Variants in DOP1B observed in about 807,000 individuals in gnomAD.
DOP1B encodes the protein protein DOP1B.
DOP1B carries 174 observed loss-of-function variants against 233.5 expected under a neutral mutation model. The observed-to-expected ratio is 0.75, with a 90% CI of 0.66 to 0.85. The LOEUF is 0.85. Ranked by LOEUF, DOP1B falls within the 40% of genes least tolerant of loss-of-function variation. DOP1B has a pLI of 0.00. For missense variants in DOP1B, 2,652 were observed against 2,846.6 expected, an observed-to-expected ratio of 0.93 and a Z score of 1.56; for synonymous variants, 1,190 against 1,185.6, an observed-to-expected ratio of 1.00 and a Z score of -0.08.
intron 2 of DOP1B, among the ~76,000 whole-genome samples, chr21:36,197,061 T>C (rs999642125): frequency 2.0e-5 from 3 of 151,792 alleles, no homozygotes; most frequent in Non-Finnish European, 4.4e-5. Flanking sequence ...GCCTCCTGAG[T>C]AGCTGGGATT....
intron 2 of DOP1B, among the ~76,000 whole-genome samples, chr21:36,176,101 T>TGCGTATGTGTGTGTGTGTGTGC (rs756370304): frequency 1.5e-3 from 223 of 148,002 alleles, no homozygotes; most frequent in East Asian, 5.8e-3. Flanking sequence ...TGTGTGCGTG[T>TGCGTATGTGTGTGTGTGTGTGC]GTGTGTGTGT....
intron 27 of DOP1B, among the ~76,000 whole-genome samples, chr21:36,270,912 C>A (rs76393094): frequency 1.9e-3 from 239 of 127,640 alleles, no homozygotes; most frequent in Admixed American, 2.0e-3. Flanking sequence ...GACTACACCT[C>A]AAAAAAAAAA....
chr21:36,241,410 AC>A (rs763845687), intron 18 of DOP1B, among the ~76,000 whole-genome samples: 47 of 144,964 alleles, frequency 3.2e-4, no homozygotes, highest in Non-Finnish European at 6.6e-4. Flanking sequence ...AGCTCCAGAC[AC>A]CCCCCTCTCC....
At chr21:36,236,862 G>T (rs2066833709) in intron 15 of DOP1B, among the ~76,000 whole-genome samples, 1 of 139,750 alleles carries the variant, frequency 7.2e-6, no homozygotes, top group Non-Finnish European at 1.5e-5. Flanking sequence ...TCAGCTCACT[G>T]CAACCTCCGC....
intron 2 of DOP1B, among the ~76,000 whole-genome samples, chr21:36,186,898 G>A (rs996052141): frequency 1.4e-4 from 22 of 152,070 alleles, no homozygotes; most frequent in Non-Finnish European, 2.6e-4. Flanking sequence ...GCCCGGACTC[G>A]GACCCAGGCC....
chr21:36,249,123 T>G (rs2067004224), intron 21 of DOP1B, among the ~76,000 whole-genome samples: 1 of 150,824 alleles, frequency 6.6e-6, no homozygotes, highest in Admixed American at 6.6e-5. Context: ...ATAAAAATAA[T>G]TAAAATAAAT....
In DOP1B at chr21:36,248,457, C is replaced by A; in HGVS notation, c.4887C>A (p.Asn1629Lys). Residue 1629 changes from asparagine (N) to lysine (K), a missense_variant, in exon 21 of 37, where the codon AAC becomes AAA. Physicochemically the swap from Asn to Lys is moderately conservative, Grantham distance 94. Coordinates refer to ENST00000691173, the MANE Select transcript of DOP1B (RefSeq NM_001320714.2). ...AILEELPRTV[N>K]TMALLWNVLR... is the part of the protein sequence containing the mutation. ...TGGAAGAGCTGCCTCGAACTGTTAA[C>A]ACCATGGCCCTTCTCTGGAATGTTC... 6.2e-7 allele frequency: 1 copy of A among 1,614,136 alleles called. No homozygotes were observed. The highest frequency in any genetic ancestry group is 8.5e-7 in the Non-Finnish European group (1 of 1,180,000).
At chr21:36,234,893 G>A (rs1016905396) in intron 15 of DOP1B, among the ~76,000 whole-genome samples, 4 of 152,066 alleles carry the variant, frequency 2.6e-5, no homozygotes, top group African/African-American at 9.7e-5. Context: ...GGTACAATTT[G>A]ATATTCTGAC....
At chr21:36,228,983 T>G (rs2066726664) in intron 13 of DOP1B, among the ~76,000 whole-genome samples, 1 of 151,970 alleles carries the variant, frequency 6.6e-6, no homozygotes, top group Non-Finnish European at 1.5e-5. Context: ...AAAAAAAATT[T>G]TTAAGTTTAG....
chr21:36,210,748 G>A (rs1170843489), intron 5 of DOP1B, among the ~76,000 whole-genome samples: 2 of 152,190 alleles, frequency 1.3e-5, no homozygotes, highest in African/African-American at 4.8e-5. Flanking sequence ...GGTGGCAGAG[G>A]TTGCAGTGAG....
chr21:36,222,677 T>A (rs898707152), intron 10 of DOP1B, among the ~76,000 whole-genome samples: 6 of 152,174 alleles, frequency 3.9e-5, no homozygotes, highest in Non-Finnish European at 8.8e-5. Context: ...GAGTATGGAC[T>A]AAAACTGATT....
At chr21:36,228,395 G>A (rs1352879226) in intron 13 of DOP1B, among the ~76,000 whole-genome samples, 3 of 151,388 alleles carry the variant, frequency 2.0e-5, no homozygotes, top group South Asian at 2.1e-4. Flanking sequence ...CCTGGGAGGC[G>A]GAGGTTGCAG....
chr21:36,174,184 T>G (rs1289423259), intron 2 of DOP1B, among the ~76,000 whole-genome samples: 1 of 152,118 alleles, frequency 6.6e-6, no homozygotes, highest in Non-Finnish European at 1.5e-5. Context: ...GCAAGAACTC[T>G]TTACCTAAAA....
chr21:36,159,518 G>A (rs959390594), intron 1 of DOP1B, among the ~76,000 whole-genome samples: 1 of 152,188 alleles, frequency 6.6e-6, no homozygotes, highest in East Asian at 1.9e-4. Context: ...CAGAAGACTT[G>A]CTTGGTAGCA....
intron 23 of DOP1B, among the ~76,000 whole-genome samples, chr21:36,260,392 C>G (rs1451296077): frequency 6.6e-6 from 1 of 152,192 alleles, no homozygotes; most frequent in Non-Finnish European, 1.5e-5. Flanking sequence ...GGTTACAGTG[C>G]CAATTTTCCC....
intron 12 of DOP1B, 111 bp from the exon 13 acceptor site, chr21:36,227,575 T>G: frequency 1.1e-6 from 1 of 924,060 alleles, no homozygotes; most frequent in Non-Finnish European, 1.6e-6. Flanking sequence ...AGAAAGAAAA[T>G]TAGTGTGAAA....
At chr21:36,292,332 C>G in intron 36 of DOP1B, 99 bp downstream of exon 36, 1 of 921,688 alleles carries the variant, frequency 1.1e-6, no homozygotes, top group Non-Finnish European at 1.6e-6. Flanking sequence ...TCTTCGCTTA[C>G]TGCAGCCTCC....
At chr21:36,180,629 C>T (rs2066086895) in intron 2 of DOP1B, among the ~76,000 whole-genome samples, 1 of 152,040 alleles carries the variant, frequency 6.6e-6, no homozygotes, top group South Asian at 2.1e-4. Context: ...GCCTGTAATC[C>T]CAGCATACTG....
intron 4 of DOP1B, among the ~76,000 whole-genome samples, chr21:36,201,148 A>C (rs1225176176): frequency 1.3e-5 from 2 of 152,084 alleles, no homozygotes; most frequent in Non-Finnish European, 2.9e-5. Flanking sequence ...TAGGGCGCCT[A>C]GTGTGGAGGA....
Sources: allele counts gnomAD v4.1 joint callset (sites outside exome capture counted in the v4.1 genomes callset), GRCh38; gene constraint gnomAD v4.1.1; transcripts MANE v1.5; gene names NCBI Gene and HGNC (gene_info 2026-07-23, HGNC 2026-07-21).